The following GALNT13 variants were observed in gnomAD, a reference collection of about 807,000 sequenced individuals.
GALNT13 encodes UDP-GalNAc:polypeptide N-acetylgalactosaminyltransferase 13.
A neutral mutation model predicts 64.2 loss-of-function variants in GALNT13; 28 were observed. The ratio of observed to expected loss-of-function variants is 0.44; its 90% CI spans 0.32 to 0.60. GALNT13 has a LOEUF of 0.60. Ranked by LOEUF, GALNT13 falls within the 20% of genes least tolerant of loss-of-function variation. GALNT13 has a pLI of 0.05. For missense variants in GALNT13, 577 were observed against 669.8 expected (o/e 0.86, Z 1.53); for synonymous variants, 214 against 224.6 (o/e 0.95, Z 0.42).
chr2:153,648,978 A>G, the GALNT13 span, among the ~76,000 whole-genome samples: 2 of 152,200 alleles, frequency 1.3e-5, no homozygotes, highest in African/African-American at 4.8e-5. Flanking sequence ...TGCTGGCCTC[A>G]TAAAATGAGT....
chr2:153,558,265 A>C, the GALNT13 span, among the ~76,000 whole-genome samples: 1 of 152,182 alleles, frequency 6.6e-6, no homozygotes, highest in African/African-American at 2.4e-5. Flanking sequence ...CCTAACAAGC[A>C]TCTGCACTCC....
chr2:153,684,668 T>C, the GALNT13 span, among the ~76,000 whole-genome samples: 2 of 151,532 alleles, frequency 1.3e-5, no homozygotes, highest in Admixed American at 6.6e-5. Context: ...ACTTTTATTT[T>C]AAGTTCAGGG....
chr2:153,096,084 CAA>C, the GALNT13 span, among the ~76,000 whole-genome samples: 33 of 151,772 alleles, frequency 2.2e-4, no homozygotes, highest in African/African-American at 7.2e-4. Context: ...TTCAAAAAAA[CAA>C]ATTTTTCAGT....
chr2:154,169,474 G>T (rs1294906801), intron 4 of GALNT13, among the ~76,000 whole-genome samples: 2 of 152,136 alleles, frequency 1.3e-5, no homozygotes, highest in Non-Finnish European at 2.9e-5. Flanking sequence ...CCACTGAGTT[G>T]ACTTGAGTTA....
the GALNT13 span, among the ~76,000 whole-genome samples, chr2:153,612,178 G>A: frequency 0.12 from 18,847 of 152,084 alleles, 1,522 homozygotes; most frequent in East Asian, 0.37. Flanking sequence ...TCATTAAAAA[G>A]TCAGGAAACA....
the GALNT13 span, among the ~76,000 whole-genome samples, chr2:153,561,896 C>A: frequency 6.6e-6 from 1 of 152,024 alleles, no homozygotes; most frequent in East Asian, 1.9e-4. Context: ...ATTTTAGCAA[C>A]AAATTTCCAA....
intron 11 of GALNT13, among the ~76,000 whole-genome samples, chr2:154,428,973 A>T (rs1700590580): frequency 6.6e-6 from 1 of 152,002 alleles, no homozygotes; most frequent in African/African-American, 2.4e-5. Flanking sequence ...CCTATATAAC[A>T]ACAGTGAACT....
chr2:154,421,004 T>C (rs1207798842), intron 11 of GALNT13, among the ~76,000 whole-genome samples: 1 of 152,112 alleles, frequency 6.6e-6, no homozygotes, highest in Non-Finnish European at 1.5e-5. Context: ...ATTCCTAGTT[T>C]TTTTTGCTTT....
At chr2:153,118,973 T>C in the GALNT13 span, among the ~76,000 whole-genome samples, 19 of 152,276 alleles carry the variant, frequency 1.2e-4, no homozygotes, top group Non-Finnish European at 5.9e-5. Context: ...AGTGGTTACC[T>C]CTATGTTGTT....
At chr2:153,227,364 G>C in the GALNT13 span, among the ~76,000 whole-genome samples, 3 of 152,176 alleles carry the variant, frequency 2.0e-5, no homozygotes, top group Admixed American at 6.5e-5. Context: ...GGGCAAGGAA[G>C]TCAATTGAGA....
At chr2:153,878,314 A>G (rs1686533837) in intron 1 of GALNT13, among the ~76,000 whole-genome samples, 1 of 152,196 alleles carries the variant, frequency 6.6e-6, no homozygotes, top group Non-Finnish European at 1.5e-5. Flanking sequence ...TGAAAATTTC[A>G]TCACAAAAAA....
chr2:153,227,043 C>G, the GALNT13 span, among the ~76,000 whole-genome samples: 1 of 152,032 alleles, frequency 6.6e-6, no homozygotes. Flanking sequence ...GCCAGATTAG[C>G]CTAATTCATT....
chr2:153,607,776 T>A, the GALNT13 span, among the ~76,000 whole-genome samples: 1 of 152,126 alleles, frequency 6.6e-6, no homozygotes, highest in African/African-American at 2.4e-5. Context: ...GAGGTGATAG[T>A]GTTTGTCCCA....
At chr2:154,154,415 A>C (rs575282894) in intron 4 of GALNT13, among the ~76,000 whole-genome samples, 122 of 152,316 alleles carry the variant, frequency 8.0e-4, no homozygotes, top group African/African-American at 2.2e-3. Flanking sequence ...AGAATCTTAA[A>C]AACAATTTTA....
chr2:154,193,136 A>G (rs1386304789), intron 4 of GALNT13, among the ~76,000 whole-genome samples: 1 of 152,228 alleles, frequency 6.6e-6, no homozygotes, highest in Non-Finnish European at 1.5e-5. Context: ...TCTGCTCAGG[A>G]TAAGAGTACA....
chr2:153,101,126 C>T, the GALNT13 span, among the ~76,000 whole-genome samples: 1 of 152,000 alleles, frequency 6.6e-6, no homozygotes, highest in African/African-American at 2.4e-5. Flanking sequence ...CTTATGTATG[C>T]TTATGTAAAT....
At chr2:153,323,405 A>G in the GALNT13 span, among the ~76,000 whole-genome samples, 6 of 152,038 alleles carry the variant, frequency 3.9e-5, no homozygotes, top group Non-Finnish European at 5.9e-5. Flanking sequence ...TGTCAGATGA[A>G]TAGATTGCAA....
chr2:153,435,093 T>G, the GALNT13 span, among the ~76,000 whole-genome samples: 1 of 152,224 alleles, frequency 6.6e-6, no homozygotes, highest in East Asian at 1.9e-4. Context: ...GGGGATCCTT[T>G]CCCCATTTCT....
the GALNT13 span, among the ~76,000 whole-genome samples, chr2:153,659,036 T>C: frequency 6.6e-6 from 1 of 152,112 alleles, no homozygotes; most frequent in Non-Finnish European, 1.5e-5. Flanking sequence ...CTATAAACCA[T>C]AATGTAATAC....
Sources: allele counts gnomAD v4.1 joint callset (sites outside exome capture counted in the v4.1 genomes callset), GRCh38; gene constraint gnomAD v4.1.1; transcripts MANE v1.5; gene names NCBI Gene and HGNC (gene_info 2026-07-23, HGNC 2026-07-21).